CRPPA: variants seen among roughly 807,000 people sequenced by gnomAD.
The protein encoded by CRPPA is CDP-L-ribitol pyrophosphorylase A.
CRPPA carries 43 observed loss-of-function variants against 52.0 expected under a neutral mutation model. That is an observed-to-expected ratio of 0.83 (90% CI 0.65 to 1.07). The LOEUF (loss-of-function observed/expected upper bound fraction) is 1.07, where lower values mean the gene tolerates loss of function less well. CRPPA is among the 50% of genes least tolerant of loss of function. The pLI is 0.00. For missense variants in CRPPA, 629 were observed against 551.7 expected, an observed-to-expected ratio of 1.14 and a Z score of -1.40; for synonymous variants, 250 against 203.5, an observed-to-expected ratio of 1.23 and a Z score of -1.94.
At chr7:16,309,528 T>C (rs1403806563) in intron 3 of CRPPA, among the ~76,000 whole-genome samples, 1 of 152,136 alleles carries the variant, frequency 6.6e-6, no homozygotes, top group Non-Finnish European at 1.5e-5. Context: ...CAGAATAAAA[T>C]TGAACAAGGA....
chr7:16,239,968 A>G (rs17458603), intron 8 of CRPPA, among the ~76,000 whole-genome samples: 54,103 of 151,908 alleles, frequency 0.36, 10,463 homozygotes, highest in Admixed American at 0.47. Flanking sequence ...TACCATTAAA[A>G]GAATGAATAC....
intron 3 of CRPPA, among the ~76,000 whole-genome samples, chr7:16,344,463 A>G (rs1441176182): frequency 3.3e-5 from 5 of 151,128 alleles, no homozygotes; most frequent in Admixed American, 3.3e-4. Context: ...AGTCCTGCCT[A>G]CTTGAGTGGA....
chr7:16,403,303 T>C (rs1377007020), intron 2 of CRPPA, among the ~76,000 whole-genome samples: 1 of 152,150 alleles, frequency 6.6e-6, no homozygotes, highest in Non-Finnish European at 1.5e-5. Flanking sequence ...AAAAACTGGG[T>C]CCTTGTGATG....
intron 9 of CRPPA, among the ~76,000 whole-genome samples, chr7:16,108,018 A>T (rs1449239105): frequency 6.6e-6 from 1 of 152,076 alleles, no homozygotes; most frequent in Non-Finnish European, 1.5e-5. Context: ...AAACAAAAAT[A>T]AAAGGATTCA....
chr7:16,383,861 A>C (rs1277423019), intron 2 of CRPPA, among the ~76,000 whole-genome samples: 2 of 152,190 alleles, frequency 1.3e-5, no homozygotes, highest in Non-Finnish European at 2.9e-5. Flanking sequence ...GCGCAGTATT[A>C]GGGTGGGAGT....
rs1412081528 is a variant in CRPPA, at chr7:16,089,198, A to ATATACGTACGTATATACATATATGTGTG, written c.*2469_*2496dup. Reference sequence around the variant, plus strand: ...CGTACGTATATACATATATGTGTGTATATACGTACGTATATACATATATGT... The same window carrying ATATACGTACGTATATACATATATGTGTG: ...CGTACGTATATACATATATGTGTGTATATACGTACGTATATACATATATGTGTGTATACGTACGTATATACATATATGT... On this transcript the variant is annotated 3_prime_UTR_variant, in exon 10 of 10. Coordinates refer to ENST00000407010, the MANE Select transcript of CRPPA (RefSeq NM_001101426.4). 1.2e-5 allele frequency: 4 copies of ATATACGTACGTATATACATATATGTGTG among 328,598 alleles called. No individual in the cohort carries two copies. The highest frequency in any genetic ancestry group is 1.1e-4 in the African/African-American group (4 of 36,564). 20.4% of individuals were successfully genotyped at this position (328,598 alleles called of 1,614,324 possible). A position where few individuals can be genotyped will look rare whatever the true frequency, so the allele number is the denominator to read the frequency against.
intron 3 of CRPPA, among the ~76,000 whole-genome samples, chr7:16,319,995 T>C (rs1287814037): frequency 1.3e-5 from 2 of 152,202 alleles, no homozygotes; most frequent in Non-Finnish European, 2.9e-5. Context: ...TTTTAATTCC[T>C]AGCTTGCCCC....
chr7:16,246,570 A>T (rs1321197641), intron 8 of CRPPA, among the ~76,000 whole-genome samples: 1 of 152,244 alleles, frequency 6.6e-6, no homozygotes, highest in Admixed American at 6.5e-5. Context: ...CTTCAAAAAT[A>T]AGACATGAAA....
chr7:16,170,803 C>A (rs2128385173), intron 9 of CRPPA, among the ~76,000 whole-genome samples: 1 of 152,320 alleles, frequency 6.6e-6, no homozygotes, highest in East Asian at 1.9e-4. Context: ...CTGGTGCACC[C>A]TATGCAGCTA....
chr7:16,140,502 C>G (rs1229996129), intron 9 of CRPPA, among the ~76,000 whole-genome samples: 1 of 152,150 alleles, frequency 6.6e-6, no homozygotes, highest in African/African-American at 2.4e-5. Flanking sequence ...GCGGTATATG[C>G]TTTAGTCATA....
At chr7:16,287,933 G>C (rs1473157857) in intron 5 of CRPPA, among the ~76,000 whole-genome samples, 1 of 147,896 alleles carries the variant, frequency 6.8e-6, no homozygotes. Context: ...AAGGGAGGGA[G>C]GGAGGGAGGG....
At chr7:16,300,153 T>C (rs1027624966) in intron 5 of CRPPA, among the ~76,000 whole-genome samples, 1 of 152,216 alleles carries the variant, frequency 6.6e-6, no homozygotes, top group Non-Finnish European at 1.5e-5. Context: ...TAAGTTATAG[T>C]ACATTAATAG....
At chr7:16,369,713 C>T (rs1055148156) in intron 3 of CRPPA, among the ~76,000 whole-genome samples, 3 of 152,042 alleles carry the variant, frequency 2.0e-5, no homozygotes, top group South Asian at 2.1e-4. Flanking sequence ...GCAGTATTAG[C>T]GTGACTAGCT....
intron 3 of CRPPA, 84 bp downstream of exon 3, chr7:16,376,008 T>A: frequency 4.5e-6 from 6 of 1,323,688 alleles, no homozygotes; most frequent in South Asian, 1.4e-5. Flanking sequence ...CTCAGTCCCA[T>A]CAGTTCTGGA....
At chr7:16,105,356 T>C (rs1010964816) in intron 9 of CRPPA, among the ~76,000 whole-genome samples, 1 of 152,212 alleles carries the variant, frequency 6.6e-6, no homozygotes, top group South Asian at 2.1e-4. Flanking sequence ...TCCTCTAAGA[T>C]GGCACAATGC....
chr7:16,184,747 T>C (rs976305220), intron 9 of CRPPA, among the ~76,000 whole-genome samples: 3 of 152,242 alleles, frequency 2.0e-5, no homozygotes, highest in Admixed American at 6.5e-5. Context: ...ATTTTACTTA[T>C]GTTATCTTTT....
intron 1 of CRPPA, among the ~76,000 whole-genome samples, chr7:16,418,893 T>C (rs1788258781): frequency 1.3e-5 from 2 of 152,116 alleles, no homozygotes; most frequent in African/African-American, 4.8e-5. Flanking sequence ...TTAAAGTTAA[T>C]GCAAAAGTTT....
intron 3 of CRPPA, among the ~76,000 whole-genome samples, chr7:16,360,319 GAC>G (rs2128309074): frequency 6.6e-6 from 1 of 152,180 alleles, no homozygotes; most frequent in Admixed American, 6.5e-5. Context: ...TTAGATTTGG[GAC>G]ACTATGCTAG....
intron 9 of CRPPA, among the ~76,000 whole-genome samples, chr7:16,115,478 A>G (rs894810284): frequency 3.9e-5 from 6 of 152,160 alleles, no homozygotes; most frequent in African/African-American, 1.4e-4. Flanking sequence ...GGTATAGAAG[A>G]GTGTTTCTGT....
Sources: allele counts gnomAD v4.1 joint callset (sites outside exome capture counted in the v4.1 genomes callset), GRCh38; gene constraint gnomAD v4.1.1; transcripts MANE v1.5; gene names NCBI Gene and HGNC (gene_info 2026-07-23, HGNC 2026-07-21).